Variants in DCC observed in about 807,000 individuals in gnomAD.
The protein encoded by DCC is netrin receptor DCC.
In DCC, 58 loss-of-function variants were observed where a neutral mutation model predicts 172.5. The ratio of observed to expected loss-of-function variants is 0.34; its 90% confidence interval spans 0.27 to 0.42. The LOEUF (loss-of-function observed/expected upper bound fraction) is 0.42, where lower values mean the gene tolerates loss of function less well. DCC is among the 10% of genes least tolerant of loss of function. DCC has a pLI of 1.00. For synonymous variants in DCC, 709 were observed against 644.5 expected (o/e 1.10, Z -1.52); for missense variants, 1,740 against 1,791.0 (o/e 0.97, Z 0.51).
At chr18:52,474,148 TAAC>T (rs1345538189) in intron 1 of DCC, among the ~76,000 whole-genome samples, 12 of 149,058 alleles carry the variant, frequency 8.1e-5, no homozygotes, top group Non-Finnish European at 1.5e-4. Context: ...TAAGCTACAT[TAAC>T]AACTTAAGCA....
At chr18:53,475,369 C>A (rs1336749939) in intron 25 of DCC, among the ~76,000 whole-genome samples, 2 of 152,176 alleles carry the variant, frequency 1.3e-5, no homozygotes, top group African/African-American at 4.8e-5. Flanking sequence ...AGCAGCCCCT[C>A]ACATCATGGC....
intron 9 of DCC, among the ~76,000 whole-genome samples, chr18:53,197,762 G>C (rs528885051): frequency 6.6e-6 from 1 of 151,940 alleles, no homozygotes; most frequent in East Asian, 1.9e-4. Flanking sequence ...TCATAATTTA[G>C]GTTTTGTTCT....
intron 5 of DCC, among the ~76,000 whole-genome samples, chr18:52,969,590 T>TCTCTCA: frequency 1.0e-5 from 1 of 96,428 alleles, no homozygotes. Flanking sequence ...CCCCACTCTC[T>TCTCTCA]CTCTCTCTCT....
At chr18:53,084,762 T>A (rs2042855104) in intron 7 of DCC, among the ~76,000 whole-genome samples, 1 of 152,184 alleles carries the variant, frequency 6.6e-6, no homozygotes, top group African/African-American at 2.4e-5. Flanking sequence ...GACTATACAA[T>A]AACAAACATA....
chr18:53,240,973 A>G (rs975251447), intron 12 of DCC, among the ~76,000 whole-genome samples: 1 of 152,182 alleles, frequency 6.6e-6, no homozygotes, highest in African/African-American at 2.4e-5. Context: ...CTCTTGGTGC[A>G]GAAGAGCCAC....
chr18:52,608,671 G>A (rs181219700), intron 1 of DCC, among the ~76,000 whole-genome samples: 253 of 152,258 alleles, frequency 1.7e-3, no homozygotes, highest in African/African-American at 5.8e-3. Flanking sequence ...GCCAACTTAA[G>A]GAACAATAAT....
At chr18:52,573,516 C>T (rs1467297363) in intron 1 of DCC, among the ~76,000 whole-genome samples, 1 of 152,134 alleles carries the variant, frequency 6.6e-6, no homozygotes, top group Non-Finnish European at 1.5e-5. Flanking sequence ...ACCAGATGGC[C>T]TAAAAGTGTT....
chr18:53,496,092 G>GTGTT (rs2046020104), intron 26 of DCC, among the ~76,000 whole-genome samples: 3 of 152,188 alleles, frequency 2.0e-5, no homozygotes. Context: ...TCTCAGCACA[G>GTGTT]TGTTTGAGCT....
intron 12 of DCC, among the ~76,000 whole-genome samples, chr18:53,217,260 TATACAC>T (rs1357639873): frequency 3.2e-4 from 30 of 94,854 alleles, no homozygotes; most frequent in African/African-American, 1.3e-3. Flanking sequence ...CTATATATAT[TATACAC>T]ACACACACAC....
intron 1 of DCC, among the ~76,000 whole-genome samples, chr18:52,724,621 A>G (rs2145082890): frequency 6.6e-6 from 1 of 152,346 alleles, no homozygotes; most frequent in African/African-American, 2.4e-5. Flanking sequence ...CCAACAGACC[A>G]GCATGATCAG....
At chr18:52,564,562 A>G (rs1312718835) in intron 1 of DCC, among the ~76,000 whole-genome samples, 1 of 151,854 alleles carries the variant, frequency 6.6e-6, no homozygotes, top group Non-Finnish European at 1.5e-5. Flanking sequence ...AAATTTTAAG[A>G]ATAAGTAACT....
chr18:52,525,167 GA>G (rs2031943530), intron 1 of DCC, among the ~76,000 whole-genome samples: 1 of 152,054 alleles, frequency 6.6e-6, no homozygotes, highest in African/African-American at 2.4e-5. Flanking sequence ...CTGAAATAAT[GA>G]AGCTGTCTCT....
chr18:53,036,499 T>C (rs2042094322), intron 5 of DCC, among the ~76,000 whole-genome samples: 1 of 152,198 alleles, frequency 6.6e-6, no homozygotes, highest in Admixed American at 6.6e-5. Flanking sequence ...TTTGCAACTT[T>C]CTATCTGATT....
intron 9 of DCC, 36 bp from the exon 10 acceptor site, chr18:53,205,180 C>T: frequency 1.3e-6 from 2 of 1,575,036 alleles, no homozygotes; most frequent in Non-Finnish European, 1.7e-6. Flanking sequence ...TTATCCTAAT[C>T]ACTTTTCTTT....
At chr18:52,381,181 A>G (rs1219990335) in intron 1 of DCC, among the ~76,000 whole-genome samples, 1 of 152,164 alleles carries the variant, frequency 6.6e-6, no homozygotes, top group Non-Finnish European at 1.5e-5. Flanking sequence ...TTTGAACTAT[A>G]GTGATATCAC....
chr18:53,093,212 G>T (rs958390753), intron 7 of DCC, among the ~76,000 whole-genome samples: 1 of 152,108 alleles, frequency 6.6e-6, no homozygotes, highest in African/African-American at 2.4e-5. Flanking sequence ...TGGAGGCGGA[G>T]GTTGCAGTGA....
At chr18:52,357,174 T>TA (rs1403803721) in intron 1 of DCC, among the ~76,000 whole-genome samples, 5 of 152,116 alleles carry the variant, frequency 3.3e-5, no homozygotes, top group African/African-American at 1.2e-4. Flanking sequence ...ATTCATGTAC[T>TA]AAAAAAATGC....
chr18:52,907,287 T>TATATACATGATATGTCATGGAG (rs2039899023), intron 3 of DCC, among the ~76,000 whole-genome samples: 1 of 56,296 alleles, frequency 1.8e-5, no homozygotes, highest in Non-Finnish European at 4.5e-5. Context: ...ATGTCATGGA[T>TATATACATGATATGTCATGGAG]ATATACATAT....
chr18:52,748,419 C>T (rs1310841052), intron 1 of DCC, among the ~76,000 whole-genome samples: 1 of 152,236 alleles, frequency 6.6e-6, no homozygotes, highest in African/African-American at 2.4e-5. Flanking sequence ...CCAAGGTCTG[C>T]ACCTCCAGAA....
Sources: allele counts gnomAD v4.1 joint callset (sites outside exome capture counted in the v4.1 genomes callset), GRCh38; gene constraint gnomAD v4.1.1; transcripts MANE v1.5; gene names NCBI Gene and HGNC (gene_info 2026-07-23, HGNC 2026-07-21).